EDARADD: variants seen among roughly 807,000 people sequenced by gnomAD.
EDARADD encodes the protein EDAR associated via death domain, also known as ectodysplasin-A receptor-associated adapter protein.
Under a neutral mutation model 25.6 loss-of-function variants are expected in EDARADD, and 20 were observed. The ratio of observed to expected loss-of-function variants is 0.78; its 90% confidence interval spans 0.55 to 1.14. The LOEUF is 1.14. Ranked by LOEUF, EDARADD falls within the 50% of genes most tolerant of loss-of-function variation. EDARADD has a pLI of 0.00. For synonymous variants in EDARADD, 86 were observed against 94.4 expected, an observed-to-expected ratio of 0.91 and a Z score of 0.52; for missense variants, 225 against 270.1, an observed-to-expected ratio of 0.83 and a Z score of 1.17.
intron 1 of EDARADD, among the ~76,000 whole-genome samples, chr1:236,348,448 CTCT>C (rs1558097333): frequency 6.6e-6 from 1 of 152,248 alleles, no homozygotes; most frequent in African/African-American, 2.4e-5. Flanking sequence ...GCTGGGCGCG[CTCT>C]TCTTGGCCCA....
chr1:236,380,651 C>G (rs532228082), intron 3 of EDARADD, among the ~76,000 whole-genome samples: 3 of 152,210 alleles, frequency 2.0e-5, no homozygotes, highest in African/African-American at 7.2e-5. Flanking sequence ...TTCTCCCAAC[C>G]CTAGTCCTTT....
chr1:236,356,873 C>T (rs953174859), intron 3 of EDARADD, among the ~76,000 whole-genome samples: 3 of 152,052 alleles, frequency 2.0e-5, no homozygotes, highest in African/African-American at 7.2e-5. Context: ...CACCTGAGGT[C>T]AGGAGTTCGA....
chr1:236,388,354 C>A (rs1667381215), intron 3 of EDARADD, among the ~76,000 whole-genome samples: 1 of 151,990 alleles, frequency 6.6e-6, no homozygotes, highest in South Asian at 2.1e-4. Context: ...CCTTGTTATT[C>A]TTTCTCAAAG....
chr1:236,429,827 G>A (rs1169687824), intron 4 of EDARADD, among the ~76,000 whole-genome samples: 1 of 152,142 alleles, frequency 6.6e-6, no homozygotes, highest in African/African-American at 2.4e-5. Context: ...TACTGTCCAA[G>A]CCACCTCTGT....
chr1:236,397,289 A>C (rs1264279636), intron 1 of EDARADD, among the ~76,000 whole-genome samples: 1 of 152,116 alleles, frequency 6.6e-6, no homozygotes, highest in Non-Finnish European at 1.5e-5. Flanking sequence ...GCATACCTAT[A>C]GTCCCAGCTA....
intron 4 of EDARADD, among the ~76,000 whole-genome samples, chr1:236,460,529 T>TTAA (rs1420582236): frequency 1.3e-5 from 2 of 152,120 alleles, no homozygotes; most frequent in Non-Finnish European, 2.9e-5. Context: ...TACTGTCAAA[T>TTAA]AATAGATATA....
At chr1:236,368,446 T>C (rs374927090) in intron 3 of EDARADD, among the ~76,000 whole-genome samples, 2 of 146,846 alleles carry the variant, frequency 1.4e-5, no homozygotes, top group Non-Finnish European at 1.5e-5. Context: ...TTTTCTTTTT[T>C]TTTTTTTTTT....
At chr1:236,403,787 C>T (rs564300636) in intron 1 of EDARADD, among the ~76,000 whole-genome samples, 8 of 152,300 alleles carry the variant, frequency 5.3e-5, no homozygotes, top group African/African-American at 1.9e-4. Context: ...TGCTCTCACC[C>T]GCAGCCTCTG....
rs116252576 is a variant in EDARADD at position 236,452,927 on chromosome 1, C to T, written c.220-15304C>T. Among the ~76,000 whole-genome samples the T allele has an allele frequency of 1.4e-3, 216 of 152,262 alleles. 1 individual carries two copies. Among genetic ancestry groups the T allele is most frequent in the African/African-American group, 4.7e-3 (197 of 41,550 alleles). On this transcript the variant is annotated intron_variant, in intron 4 of 5. Transcript: ENST00000334232. ...CGTAAGGGTTTCTTTATGTTTATTA[C>T]GGGACTTGGAGATTGTTTCAACTAT...
intron 3 of EDARADD, among the ~76,000 whole-genome samples, chr1:236,424,043 T>C (rs557856185): frequency 6.6e-5 from 10 of 151,856 alleles, no homozygotes; most frequent in African/African-American, 1.9e-4. Context: ...GAAATGGAGG[T>C]TGCAGTGAGC....
chr1:236,393,391 C>CTTTTTTTTTT (rs761525038), upstream of EDARADD, among the ~76,000 whole-genome samples: 52 of 87,208 alleles, frequency 6.0e-4, no homozygotes, highest in East Asian at 8.0e-4. Flanking sequence ...TTCTTTCTTT[C>CTTTTTTTTTT]TTTTTTTTTT....
At chr1:236,462,301 T>G (rs1659059153) in intron 4 of EDARADD, among the ~76,000 whole-genome samples, 1 of 152,134 alleles carries the variant, frequency 6.6e-6, no homozygotes. Flanking sequence ...ATTCAGCTAT[T>G]ATTTCTCTCT....
intron 1 of EDARADD, among the ~76,000 whole-genome samples, chr1:236,396,078 C>T (rs12047163): frequency 7.2e-5 from 11 of 152,350 alleles, no homozygotes; most frequent in East Asian, 3.9e-4. Flanking sequence ...CTCATTACTC[C>T]TCTTCCTCTC....
intron 3 of EDARADD, among the ~76,000 whole-genome samples, chr1:236,419,570 G>GGGGATGCTTGTCAACAACGCAGACTTCT (rs1657727844): frequency 3.3e-5 from 5 of 152,186 alleles, no homozygotes; most frequent in Non-Finnish European, 7.3e-5. Flanking sequence ...ATCAGAATGT[G>GGGGATGCTTGTCAACAACGCAGACTTCT]GGGATGCTTG....
rs1453558910 is a variant in EDARADD, at chr1:236,479,745, C to A, written c.266-2522C>A. 1.3e-4 allele frequency among the ~76,000 whole-genome samples: 19 copies of A among 146,264 alleles called. 1 individual carries two copies. The highest frequency in any genetic ancestry group is 2.3e-4 in the African/African-American group (9 of 39,552). On this transcript the variant is annotated intron_variant, in intron 5 of 5. Transcript: ENST00000334232. Reference sequence around the variant, plus strand: ...TGCATTTTCTTTTTTAAAGTTTAATCAAAAAAAAAAAGAAAACTGGCTGGG... The same window carrying A: ...TGCATTTTCTTTTTTAAAGTTTAATAAAAAAAAAAAAGAAAACTGGCTGGG...
intron 2 of EDARADD, among the ~76,000 whole-genome samples, chr1:236,413,496 C>T (rs974753699): frequency 1.3e-5 from 2 of 152,106 alleles, no homozygotes; most frequent in Admixed American, 6.6e-5. Context: ...GGCTGAAGGA[C>T]AGGGCTGAGT....
At chr1:236,419,660 C>A (rs1657730060) in intron 3 of EDARADD, among the ~76,000 whole-genome samples, 1 of 152,128 alleles carries the variant, frequency 6.6e-6, no homozygotes, top group Non-Finnish European at 1.5e-5. Context: ...GACTGACAGG[C>A]AGGAGAGCTG....
intron 5 of EDARADD, among the ~76,000 whole-genome samples, chr1:236,476,761 G>A (rs572305237): frequency 1.3e-5 from 2 of 152,288 alleles, no homozygotes; most frequent in South Asian, 4.1e-4. Context: ...CCAACCTCAG[G>A]TGATCTGCCT....
At chr1:236,469,182 G>C (rs1320907271) in intron 5 of EDARADD, among the ~76,000 whole-genome samples, 1 of 152,000 alleles carries the variant, frequency 6.6e-6, no homozygotes, top group African/African-American at 2.4e-5. Flanking sequence ...ATTAAAATAA[G>C]CTAGCAAATG....
Sources: allele counts gnomAD v4.1 joint callset (sites outside exome capture counted in the v4.1 genomes callset), GRCh38; gene constraint gnomAD v4.1.1; transcripts MANE v1.5; gene names NCBI Gene and HGNC (gene_info 2026-07-23, HGNC 2026-07-21).